The following VAT1L variants were observed in gnomAD, a reference collection of about 807,000 sequenced individuals.
VAT1L encodes the protein putative NADPH-dependent quinone oxidoreductase VAT1L.
In VAT1L, 34 loss-of-function variants were observed where a neutral mutation model predicts 44.1. The ratio of observed to expected loss-of-function variants is 0.77; its 90% CI spans 0.59 to 1.03. The LOEUF (loss-of-function observed/expected upper bound fraction) is 1.03, where lower values mean the gene tolerates loss of function less well. VAT1L is among the 50% of genes least tolerant of loss of function. VAT1L has a pLI of 0.00. For missense variants in VAT1L, 615 were observed against 538.8 expected, an observed-to-expected ratio of 1.14 and a Z score of -1.40; for synonymous variants, 253 against 202.2, an observed-to-expected ratio of 1.25 and a Z score of -2.13.
At chr16:77,906,820 A>G (rs945936958) in intron 7 of VAT1L, among the ~76,000 whole-genome samples, 1 of 152,214 alleles carries the variant, frequency 6.6e-6, no homozygotes, top group East Asian at 1.9e-4. Context: ...GCAGGGCCCA[A>G]GGAACTGCCA....
At chr16:77,832,106 G>A (rs1224383460) in intron 3 of VAT1L, among the ~76,000 whole-genome samples, 2 of 151,806 alleles carry the variant, frequency 1.3e-5, no homozygotes, top group South Asian at 2.1e-4. Context: ...AGGATTACAG[G>A]TGTGAGCCAC....
At position 77,805,067 on chromosome 16, in the gene VAT1L, C is replaced by T. The variant is rs1328878056; in HGVS notation, c.234-11854C>T. On this transcript the variant is annotated intron_variant, in intron 1 of 8. Transcript: ENST00000302536. ...GGGGACCAGTGTCAAGAGCCATGAG[C>T]CAGCAGTGTGGGAAGGGAGTCTGAG... Among the ~76,000 whole-genome samples the T allele has an allele frequency of 3.3e-5, 5 of 152,242 alleles. No individual in the cohort carries two copies. The East Asian group carries it at 9.7e-4, about 30-fold the overall frequency.
At chr16:77,848,799 A>G (rs2016781120) in intron 3 of VAT1L, among the ~76,000 whole-genome samples, 1 of 152,198 alleles carries the variant, frequency 6.6e-6, no homozygotes, top group African/African-American at 2.4e-5. Flanking sequence ...CCAAATGCCC[A>G]TCAATAATAG....
intron 7 of VAT1L, among the ~76,000 whole-genome samples, chr16:77,891,356 A>AAAAC (rs202151663): frequency 1.3e-5 from 2 of 152,324 alleles, no homozygotes; most frequent in East Asian, 3.9e-4. Context: ...TCCGTCTAAA[A>AAAAC]AAACAAACAA....
chr16:77,898,247 C>G (rs1011186999), intron 7 of VAT1L, among the ~76,000 whole-genome samples: 2 of 152,192 alleles, frequency 1.3e-5, no homozygotes, highest in African/African-American at 2.4e-5. Context: ...CTAATTACAT[C>G]TCCACAATCT....
At chr16:77,970,582 G>C (rs1290898685) in intron 7 of VAT1L, among the ~76,000 whole-genome samples, 3 of 152,114 alleles carry the variant, frequency 2.0e-5, no homozygotes, top group Non-Finnish European at 4.4e-5. Flanking sequence ...GTAGACACAT[G>C]TGAGAGTCAT....
chr16:77,852,640 G>C (rs2016818911), intron 3 of VAT1L, among the ~76,000 whole-genome samples: 1 of 152,158 alleles, frequency 6.6e-6, no homozygotes, highest in Non-Finnish European at 1.5e-5. Context: ...ATATGATGTT[G>C]GGTGGATAGA....
intron 1 of VAT1L, among the ~76,000 whole-genome samples, chr16:77,811,122 G>A (rs774933549): frequency 6.6e-6 from 1 of 152,148 alleles, no homozygotes; most frequent in Admixed American, 6.5e-5. Flanking sequence ...ATCTGACACT[G>A]TTTGGATTTT....
At chr16:77,837,670 A>G (rs2016654303) in intron 3 of VAT1L, among the ~76,000 whole-genome samples, 2 of 152,222 alleles carry the variant, frequency 1.3e-5, no homozygotes, top group Non-Finnish European at 2.9e-5. Context: ...CTGGAGTCAG[A>G]GCTGGTTTTC....
At chr16:77,930,907 A>G (rs746588584) in intron 7 of VAT1L, among the ~76,000 whole-genome samples, 7 of 152,310 alleles carry the variant, frequency 4.6e-5, no homozygotes, top group Non-Finnish European at 1.0e-4. Flanking sequence ...CACAACATTC[A>G]ACATAATTCA....
At chr16:77,844,712 C>A (rs768715516) in intron 3 of VAT1L, among the ~76,000 whole-genome samples, 45 of 152,128 alleles carry the variant, frequency 3.0e-4, no homozygotes, top group Non-Finnish European at 6.0e-4. Flanking sequence ...TCTGCACTAC[C>A]AGTTTATATC....
intron 3 of VAT1L, among the ~76,000 whole-genome samples, chr16:77,841,727 C>G (rs2016707900): frequency 2.6e-5 from 4 of 152,148 alleles, no homozygotes. Context: ...ACTATTTCCT[C>G]TGGAGATGAT....
rs879574452 is a variant in VAT1L at position 77,919,168 on chromosome 16, GTGTGCA to G, written c.1077+34377_1077+34382del. Reference sequence around the variant, plus strand: ...TGTGCATGCATGTGTGTGCACGCATGTGTGCATGTGCATGTGTGTGTGTGTTTCAGC... The same window carrying G: ...TGTGCATGCATGTGTGTGCACGCATGTGTGCATGTGTGTGTGTGTTTCAGC... On this transcript the variant is annotated intron_variant, in intron 7 of 8. Coordinates refer to ENST00000302536, the MANE Select transcript of VAT1L (RefSeq NM_020927.3). Among the ~76,000 whole-genome samples, 123 of 152,302 alleles carry G rather than the reference GTGTGCA, an allele frequency of 8.1e-4. 1 individual carries two copies. The highest frequency in any genetic ancestry group is 3.4e-3 in the Middle Eastern group (1 of 294).
intron 5 of VAT1L, among the ~76,000 whole-genome samples, chr16:77,877,079 C>T (rs1447896408): frequency 6.6e-6 from 1 of 152,180 alleles, no homozygotes; most frequent in African/African-American, 2.4e-5. Context: ...TCTACATTCA[C>T]TTCTATGTCT....
rs2016365772 is a variant in VAT1L at position 77,816,939 on chromosome 16, C to T, written c.252C>T (p.Asp84=). The T allele has an allele frequency of 6.2e-7, 1 of 1,613,760 alleles. No homozygotes were observed. The highest frequency in any genetic ancestry group is 1.1e-5 in the South Asian group (1 of 91,016). The change falls in exon 2 of 9, where the codon GAC becomes GAT. Residue 84 remains aspartate, a synonymous_variant. Transcript: ENST00000302536. The part of the protein sequence containing the change: ...RVKACGLNFI[D]LMVRQGNIDN... ...TTTACAGTGGATTAAACTTCATTGA[C>T]TTGATGGTGCGACAAGGGAATATTG...
intron 7 of VAT1L, among the ~76,000 whole-genome samples, chr16:77,909,901 C>G (rs1215344006): frequency 6.6e-6 from 1 of 152,184 alleles, no homozygotes; most frequent in East Asian, 1.9e-4. Context: ...CTCGCCCTCC[C>G]TTCTTGCCTC....
chr16:77,792,574 G>T (rs757218379), intron 1 of VAT1L, among the ~76,000 whole-genome samples: 7 of 152,026 alleles, frequency 4.6e-5, no homozygotes, highest in Non-Finnish European at 1.0e-4. Flanking sequence ...TTGGCTGTGA[G>T]CTACTTTCTA....
At chr16:77,904,020 G>T (rs7202337) in intron 7 of VAT1L, among the ~76,000 whole-genome samples, 1 of 152,026 alleles carries the variant, frequency 6.6e-6, no homozygotes, top group Non-Finnish European at 1.5e-5. Context: ...ACAGGTATGA[G>T]CCACTGTGCC....
At chr16:77,793,793 A>G (rs1198620513) in intron 1 of VAT1L, among the ~76,000 whole-genome samples, 1 of 152,212 alleles carries the variant, frequency 6.6e-6, no homozygotes, top group Non-Finnish European at 1.5e-5. Context: ...GGCAGGCCAC[A>G]TCAGAAGAAA....
Sources: allele counts gnomAD v4.1 joint callset (sites outside exome capture counted in the v4.1 genomes callset), GRCh38; gene constraint gnomAD v4.1.1; transcripts MANE v1.5; gene names NCBI Gene and HGNC (gene_info 2026-07-23, HGNC 2026-07-21).